The following TAF5L variants were observed in gnomAD, a reference collection of about 807,000 sequenced individuals.
TAF5L encodes TAF5-like RNA polymerase II p300/CBP-associated factor-associated factor 65 kDa subunit 5L.
In TAF5L, 7 loss-of-function variants were observed where a neutral mutation model predicts 51.3. That is an observed-to-expected ratio of 0.14 (90% CI 0.08 to 0.26). The LOEUF is 0.26. Among genes scored for constraint, TAF5L ranks in the 10% least tolerant of loss-of-function variants. TAF5L has a pLI of 1.00. For synonymous variants in TAF5L, 291 were observed against 308.1 expected (o/e 0.94, Z 0.58); for missense variants, 575 against 758.9 (o/e 0.76, Z 2.85).
At chr1:229,615,592 C>T (rs557365506) in intron 1 of TAF5L, among the ~76,000 whole-genome samples, 9 of 135,196 alleles carry the variant, frequency 6.7e-5, no homozygotes, top group African/African-American at 1.9e-4. Flanking sequence ...TGTAGGTTCA[C>T]AAAAATAAAA....
chr1:229,595,323 C>A (rs1461029046), intron 4 of TAF5L, among the ~76,000 whole-genome samples: 3 of 152,222 alleles, frequency 2.0e-5, no homozygotes, highest in Non-Finnish European at 4.4e-5. Flanking sequence ...CTTAAATTCA[C>A]CTTGCAGCTC....
chr1:229,622,803 C>T (rs576249307), intron 1 of TAF5L, among the ~76,000 whole-genome samples: 30 of 152,042 alleles, frequency 2.0e-4, no homozygotes, highest in African/African-American at 7.2e-4. Context: ...TTTGTAGAGA[C>T]GGAGTCTCAC....
At chr1:229,604,121 TTAAA>T (rs765659317) in intron 3 of TAF5L, among the ~76,000 whole-genome samples, 10 of 151,952 alleles carry the variant, frequency 6.6e-5, no homozygotes, top group Non-Finnish European at 1.2e-4. Context: ...TTGTACATAT[TTAAA>T]TAAATTAAAA....
chr1:229,604,929 A>G (rs1664527293), intron 3 of TAF5L, among the ~76,000 whole-genome samples: 1 of 152,080 alleles, frequency 6.6e-6, no homozygotes, highest in Admixed American at 6.6e-5. Flanking sequence ...TTATCATGGA[A>G]CATCGGATTA....
Position 229,594,423 on chromosome 1 carries a change from G to A in TAF5L, c.1644C>T (p.Ala548=), listed in dbSNP as rs1210610423. Residue 548 remains alanine (A), a synonymous_variant, in exon 5 of 5, where the codon GCC becomes GCT. Transcript: ENST00000258281. This position sits in a 1 kb window ranked among gnomAD's most constrained non-coding sequence, Gnocchi z 7.9. Reference sequence around the variant, plus strand: ...CCACGAGCTCGCTGGAGGAGCCGTCGGCAGGTGCACTGCAGTAAGTGTTCC... The same window carrying A: ...CCACGAGCTCGCTGGAGGAGCCGTCAGCAGGTGCACTGCAGTAAGTGTTCC... 6.2e-6 allele frequency: 10 copies of A among 1,614,020 alleles called. No individual in the cohort carries two copies. Among genetic ancestry groups the A allele is most frequent in the East Asian group, 2.2e-5 (1 of 44,890 alleles).
rs1475618873 is a variant in TAF5L, at chr1:229,625,266, CCGT to C, written c.-4+616_-4+618del. ...GCTTCGCGAGCTGGAGGTGGTGAACCCGTCCCACACCATGGGCGCACCAACCTT... is the reference window on the plus strand; with the variant it reads ...GCTTCGCGAGCTGGAGGTGGTGAACCCCCACACCATGGGCGCACCAACCTT... On this transcript the variant is annotated intron_variant, in intron 1 of 4. Coordinates refer to ENST00000258281, the Ensembl canonical transcript of TAF5L. This position sits in a 1 kb window ranked among gnomAD's most constrained non-coding sequence, Gnocchi z 4.0. 6.6e-6 allele frequency among the ~76,000 whole-genome samples: 1 copy of C among 152,160 alleles called. No individual in the cohort carries two copies. The highest frequency in any genetic ancestry group is 2.4e-5 in the African/African-American group (1 of 41,438).
chr1:229,616,865 T>C (rs1665022069), intron 1 of TAF5L, among the ~76,000 whole-genome samples: 1 of 152,210 alleles, frequency 6.6e-6, no homozygotes, highest in Non-Finnish European at 1.5e-5. Context: ...ATTTTATTTC[T>C]AGGTTGCCAA....
chr1:229,613,619 A>G (rs1664868672), intron 2 of TAF5L, among the ~76,000 whole-genome samples: 1 of 152,188 alleles, frequency 6.6e-6, no homozygotes, highest in Non-Finnish European at 1.5e-5. Flanking sequence ...TAATCTAAAG[A>G]CAATTTAAAG....
At chr1:229,596,029 T>C (rs1042699434) in intron 4 of TAF5L, among the ~76,000 whole-genome samples, 6 of 152,040 alleles carry the variant, frequency 3.9e-5, no homozygotes, top group Admixed American at 2.0e-4. Context: ...ATCCCAACAG[T>C]TTGGGAGGCC....
At chr1:229,610,670 T>C (rs1664754512) in intron 2 of TAF5L, among the ~76,000 whole-genome samples, 1 of 152,216 alleles carries the variant, frequency 6.6e-6, no homozygotes. Context: ...CCAAGACTCC[T>C]ACAATTTCAA....
chr1:229,603,649 A>G (rs1055640491), intron 3 of TAF5L, among the ~76,000 whole-genome samples: 4 of 152,248 alleles, frequency 2.6e-5, no homozygotes, highest in African/African-American at 7.2e-5. Flanking sequence ...TAATTTACAA[A>G]TAAGACCATT....
intron 4 of TAF5L, chr1:229,599,998 T>C (rs1021842485): frequency 1.0e-6 from 1 of 985,358 alleles, no homozygotes; most frequent in Non-Finnish European, 1.2e-6. Context: ...ACCTGTTTGG[T>C]TTCTCTAGGT....
chr1:229,601,698 A>T (rs953857950), intron 4 of TAF5L: 1 of 995,216 alleles, frequency 1.0e-6, no homozygotes, highest in African/African-American at 1.7e-5. Flanking sequence ...AATACCATCC[A>T]TCCAGTGTGG....
intron 4 of TAF5L, among the ~76,000 whole-genome samples, chr1:229,596,369 A>G (rs1664126683): frequency 6.6e-6 from 1 of 152,204 alleles, no homozygotes; most frequent in African/African-American, 2.4e-5. Flanking sequence ...AATTAACACT[A>G]AGCTAGAAAG....
chr1:229,613,234 G>A (rs1347556320), intron 2 of TAF5L, among the ~76,000 whole-genome samples: 1 of 149,806 alleles, frequency 6.7e-6, no homozygotes, highest in African/African-American at 2.5e-5. Flanking sequence ...GGTAGGCTGA[G>A]ATGGAGGATC....
exon 5 of TAF5L, chr1:229,593,975 C>T (rs1664016001): frequency 3.7e-6 from 1 of 268,466 alleles, no homozygotes; most frequent in Non-Finnish European, 7.2e-6. Context: ...CCAAACCTAG[C>T]CCCAGTCAGA....
intron 4 of TAF5L, chr1:229,601,855 C>CA: frequency 1.9e-6 from 2 of 1,054,610 alleles, no homozygotes; most frequent in Non-Finnish European, 2.3e-6. Flanking sequence ...TGTACCTGAG[C>CA]AAATGTGCAC....
intron 1 of TAF5L, among the ~76,000 whole-genome samples, chr1:229,615,332 C>T (rs1380243158): frequency 1.3e-5 from 2 of 152,112 alleles, no homozygotes; most frequent in African/African-American, 4.8e-5. Context: ...TGTGATCTGC[C>T]CGGCTTGGCC....
chr1:229,614,252 CTTGAGAAGAGGAGAA>C, intron 2 of TAF5L, 74 bp downstream of exon 2: 2 of 1,611,622 alleles, frequency 1.2e-6, no homozygotes, highest in Non-Finnish European at 1.7e-6. Context: ...CTGGCACTGT[CTTGAGAAGAGGAGAA>C]GTAATTCCAC....
Sources: gnomAD v4.1 joint callset for allele counts (sites outside exome capture counted in the v4.1 genomes callset) on GRCh38, gnomAD v4.1.1 for gene constraint, Gnocchi (gnomAD v3.1) non-coding constraint, MANE v1.5 for transcripts, NCBI Gene and HGNC (gene_info 2026-07-23, HGNC 2026-07-21) for gene names.